The following PREP variants were observed in gnomAD, a reference collection of about 807,000 sequenced individuals.
PREP encodes prolyl endopeptidase, also known as dJ355L5.1 (prolyl endopeptidase).
Under a neutral mutation model 87.6 loss-of-function variants are expected in PREP, and 29 were observed. That is an observed-to-expected ratio of 0.33 (90% CI 0.25 to 0.45). PREP has a LOEUF of 0.45. PREP is among the 20% of genes least tolerant of loss of function. The pLI, the probability that PREP is intolerant of heterozygous loss-of-function variation, is 1.00. For missense variants in PREP, 695 were observed against 886.5 expected (o/e 0.78, Z 2.74); for synonymous variants, 337 against 328.6 (o/e 1.03, Z -0.28).
At chr6:105,283,158 A>G (rs537077908) in intron 12 of PREP, among the ~76,000 whole-genome samples, 1 of 152,358 alleles carries the variant, frequency 6.6e-6, no homozygotes, top group African/African-American at 2.4e-5. Flanking sequence ...ATTAATGGAA[A>G]GAACAAAAGG....
At chr6:105,329,134 G>A (rs1407058939) in intron 8 of PREP, 108 bp from the exon 9 acceptor site, 1 of 1,028,804 alleles carries the variant, frequency 9.7e-7, no homozygotes, top group East Asian at 2.6e-5. Flanking sequence ...GCAGCAATGA[G>A]ACTTGCAAAG....
Position 105,285,511 on chromosome 6 carries a change from G to A in PREP, c.1524C>T (p.Gly508=), listed in dbSNP as rs200637622. Residue 508 remains glycine (G), a synonymous_variant, in exon 12 of 15, where the codon GGC becomes GGT. Transcript: ENST00000652536. ...ILAVANIRGG[G]EYGETWHKGG... Reference sequence around the variant, plus strand: ...CTTTATGCCACGTCTCTCCATATTCGCCACCTCCTCTGATGTTGGCCACTG... The same window carrying A: ...CTTTATGCCACGTCTCTCCATATTCACCACCTCCTCTGATGTTGGCCACTG... 5.0e-6 allele frequency: 8 copies of A among 1,613,552 alleles called. No homozygotes were observed. Among genetic ancestry groups the A allele is most frequent in the South Asian group, 2.2e-5 (2 of 91,070 alleles).
chr6:105,367,528 C>T (rs1772416783), intron 6 of PREP, among the ~76,000 whole-genome samples: 1 of 151,840 alleles, frequency 6.6e-6, no homozygotes, highest in African/African-American at 2.4e-5. Context: ...AAAAATATGC[C>T]GGGCGTAGTG....
At chr6:105,331,616 CCTCA>C (rs1388927395) in intron 8 of PREP, among the ~76,000 whole-genome samples, 2 of 152,150 alleles carry the variant, frequency 1.3e-5, no homozygotes, top group Non-Finnish European at 2.9e-5. Flanking sequence ...TGCAGGAAGC[CCTCA>C]CTAACTGCTG....
intron 8 of PREP, among the ~76,000 whole-genome samples, chr6:105,330,241 C>CAAA (rs1471309527): frequency 2.0e-5 from 3 of 152,132 alleles, no homozygotes; most frequent in Non-Finnish European, 4.4e-5. Context: ...ATGCACGTGT[C>CAAA]TAACAGCTGA....
chr6:105,343,372 T>G (rs1387272447), intron 7 of PREP, among the ~76,000 whole-genome samples: 1 of 152,134 alleles, frequency 6.6e-6, no homozygotes, highest in African/African-American at 2.4e-5. Flanking sequence ...ATACAAAAAT[T>G]AATTCAAGAT....
chr6:105,341,732 A>G (rs893379118), intron 7 of PREP, among the ~76,000 whole-genome samples: 2 of 152,242 alleles, frequency 1.3e-5, no homozygotes, highest in East Asian at 1.9e-4. Flanking sequence ...ACAGAAATAC[A>G]AACTACCATC....
intron 2 of PREP, among the ~76,000 whole-genome samples, chr6:105,395,339 T>C (rs978757280): frequency 1.3e-5 from 2 of 152,204 alleles, no homozygotes; most frequent in Admixed American, 6.5e-5. Flanking sequence ...TTTTAATGTG[T>C]AATTGATAAC....
chr6:105,400,859 C>A (rs1474589723), intron 1 of PREP, among the ~76,000 whole-genome samples: 1 of 152,174 alleles, frequency 6.6e-6, no homozygotes, highest in Non-Finnish European at 1.5e-5. Context: ...AGAGCTACCG[C>A]AATGCCCAGC....
chr6:105,290,027 G>A (rs1770268977), intron 10 of PREP, among the ~76,000 whole-genome samples: 2 of 152,074 alleles, frequency 1.3e-5, no homozygotes, highest in African/African-American at 4.8e-5. Flanking sequence ...CCTGCAATCT[G>A]GTAGCTTTTT....
chr6:105,299,435 C>CAAA (rs1770484868), intron 10 of PREP, among the ~76,000 whole-genome samples: 1 of 152,202 alleles, frequency 6.6e-6, no homozygotes, highest in Non-Finnish European at 1.5e-5. Flanking sequence ...CCCATCTCTA[C>CAAA]TAAAAATACA....
intron 2 of PREP, among the ~76,000 whole-genome samples, chr6:105,389,812 G>A (rs972109273): frequency 1.1e-4 from 17 of 152,056 alleles, no homozygotes; most frequent in African/African-American, 3.9e-4. Flanking sequence ...AGGCTAGACC[G>A]ACACCGAAAT....
chr6:105,386,052 A>C lies in PREP; in HGVS notation c.121-8533T>G, dbSNP rs551575848. ...GGAGAATTGCCTGAACCAGGGAGTCAGAGATTGCAGTGAGCCGAGATAGCA... is the reference window on the plus strand; with the variant it reads ...GGAGAATTGCCTGAACCAGGGAGTCCGAGATTGCAGTGAGCCGAGATAGCA... On this transcript the variant is annotated intron_variant, in intron 2 of 14. Coordinates refer to ENST00000652536, the MANE Select transcript of PREP (RefSeq NM_002726.5). Among the ~76,000 whole-genome samples, 8 of 152,322 alleles carry C rather than the reference A, an allele frequency of 5.3e-5. No individual in the cohort carries two copies. In the East Asian group the frequency reaches 1.5e-3, roughly 29 times the overall value.
intron 10 of PREP, chr6:105,322,742 C>G: frequency 4.9e-6 from 5 of 1,022,354 alleles, no homozygotes; most frequent in Non-Finnish European, 5.9e-6. Flanking sequence ...GCTGATAAAT[C>G]ATAGCTCTAC....
intron 5 of PREP, 23 bp from the exon 6 acceptor site, chr6:105,369,047 C>T (rs138257006): frequency 6.2e-7 from 1 of 1,610,146 alleles, no homozygotes; most frequent in Non-Finnish European, 8.5e-7. Context: ...AAAATGTACA[C>T]TGAAATGTAC....
intron 8 of PREP, among the ~76,000 whole-genome samples, chr6:105,332,023 G>C (rs1253913449): frequency 1.1e-4 from 17 of 152,132 alleles, no homozygotes; most frequent in Admixed American, 1.1e-3. Context: ...AGCCTGGAAT[G>C]GGTTGCTGTC....
chr6:105,402,979 G>T lies in PREP; in HGVS notation c.-88C>A. ...CCGGGCTGGCCGCGAGGCGCGGCTG[G>T]GGCGCAGGCAGCTGCGGGGCGGCCG... On this transcript the variant is annotated 5_prime_UTR_variant, in exon 1 of 15. Transcript: ENST00000652536. The T allele has an allele frequency of 3.1e-6, 2 of 648,970 alleles. No individual in the cohort carries two copies. Among genetic ancestry groups the T allele is most frequent in the Admixed American group, 4.3e-5 (1 of 23,086 alleles). 40.2% of individuals were successfully genotyped at this position (648,970 alleles called of 1,614,324 possible).
intron 6 of PREP, among the ~76,000 whole-genome samples, chr6:105,366,544 T>C (rs1006650281): frequency 6.6e-6 from 1 of 152,200 alleles, no homozygotes; most frequent in African/African-American, 2.4e-5. Flanking sequence ...TCTGAACTAT[T>C]TAAATTTGCT....
In PREP at chr6:105,316,041, G is replaced by T. The variant is rs1583050815; in HGVS notation, c.1317+7624C>A. Among the ~76,000 whole-genome samples, 3 of 152,258 alleles carry T rather than the reference G, an allele frequency of 2.0e-5. No homozygotes were observed. In the South Asian group the frequency reaches 6.3e-4, roughly 32 times the overall value. ...CTTTCTTACCATTCATGTGTTCACT[G>T]GCATAGCACTTTTTATTTCTTTCAA... On this transcript the variant is annotated intron_variant, in intron 10 of 14. Transcript: ENST00000652536.
Sources: allele counts gnomAD v4.1 joint callset (sites outside exome capture counted in the v4.1 genomes callset), GRCh38; gene constraint gnomAD v4.1.1; transcripts MANE v1.5; gene names NCBI Gene and HGNC (gene_info 2026-07-23, HGNC 2026-07-21).